The following STK3 variants were observed in gnomAD, a reference collection of about 807,000 sequenced individuals.
STK3 encodes the protein serine/threonine-protein kinase 3.
Under a neutral mutation model 58.0 loss-of-function variants are expected in STK3, and 41 were observed. The observed-to-expected ratio is 0.71, with a 90% CI of 0.55 to 0.92. The LOEUF is 0.92. STK3 is among the 40% of genes least tolerant of loss of function. The pLI, the probability that STK3 is intolerant of heterozygous loss-of-function variation, is 0.00. For synonymous variants in STK3, 170 were observed against 191.0 expected, an observed-to-expected ratio of 0.89 and a Z score of 0.91; for missense variants, 479 against 602.7, an observed-to-expected ratio of 0.79 and a Z score of 2.15.
At chr8:98,686,708 A>C (rs145395629) in intron 6 of STK3, among the ~76,000 whole-genome samples, 1 of 152,248 alleles carries the variant, frequency 6.6e-6, no homozygotes, top group Non-Finnish European at 1.5e-5. Flanking sequence ...TAAGATTTGA[A>C]AGACGGCACA....
rs749722428 is a variant in STK3, at chr8:98,866,280, C to A, written c.110+17367G>T. ...TCAACAATAAACATTCGCTGAAAGC[C>A]TCTTATGTCTAGGGCTGTGGGCAGC... On this transcript the variant is annotated intron_variant, in intron 3 of 12. Coordinates refer to the STK3 transcript ENST00000523601. Among the ~76,000 whole-genome samples, 14 of 152,154 alleles carry A rather than the reference C, an allele frequency of 9.2e-5. 1 individual carries two copies. The highest frequency in any genetic ancestry group is 1.6e-4 in the Non-Finnish European group (11 of 68,036).
intron 1 of STK3, among the ~76,000 whole-genome samples, chr8:98,897,982 A>G (rs1838519973): frequency 6.6e-6 from 1 of 152,266 alleles, no homozygotes; most frequent in African/African-American, 2.4e-5. Flanking sequence ...AGCACTGCTA[A>G]CTAGTCATGT....
intron 6 of STK3, among the ~76,000 whole-genome samples, chr8:98,607,410 A>G (rs1274459192): frequency 6.6e-6 from 1 of 152,242 alleles, no homozygotes; most frequent in Non-Finnish European, 1.5e-5. Flanking sequence ...GCACCAATGA[A>G]GACAGTGGAA....
chr8:98,604,912 A>G (rs1466541982), intron 6 of STK3, among the ~76,000 whole-genome samples: 12 of 152,166 alleles, frequency 7.9e-5, no homozygotes, highest in Admixed American at 7.8e-4. Flanking sequence ...ACCCTAAATC[A>G]TCAGTCTCAA....
chr8:98,636,113 T>A (rs1381863074), intron 6 of STK3, among the ~76,000 whole-genome samples: 2 of 152,076 alleles, frequency 1.3e-5, no homozygotes, highest in Admixed American at 1.3e-4. Context: ...ATTAACTCTG[T>A]GGGGCATTCC....
At chr8:98,924,306 T>C (rs1293885065) in intron 1 of STK3, among the ~76,000 whole-genome samples, 1 of 152,254 alleles carries the variant, frequency 6.6e-6, no homozygotes, top group Non-Finnish European at 1.5e-5. Flanking sequence ...CTTCTGTTTC[T>C]CTGCTAAATT....
intron 4 of STK3, among the ~76,000 whole-genome samples, chr8:98,710,155 T>C (rs1182089299): frequency 2.6e-5 from 4 of 151,976 alleles, no homozygotes; most frequent in Non-Finnish European, 5.9e-5. Flanking sequence ...AACTAATAAA[T>C]AGGGATGGAG....
the STK3 span, among the ~76,000 whole-genome samples, chr8:98,351,501 A>G: frequency 6.6e-6 from 1 of 152,250 alleles, no homozygotes; most frequent in South Asian, 2.1e-4. Flanking sequence ...TTCTAATTCT[A>G]TCATCCTCTG....
At chr8:98,731,680 G>A (rs1032849946) in intron 4 of STK3, among the ~76,000 whole-genome samples, 88 of 147,374 alleles carry the variant, frequency 6.0e-4, no homozygotes, top group South Asian at 1.1e-3. Flanking sequence ...CCGAGATGGC[G>A]CCACTGCACT....
intron 4 of STK3, among the ~76,000 whole-genome samples, chr8:98,710,664 C>A (rs1174209552): frequency 6.6e-6 from 1 of 152,234 alleles, no homozygotes; most frequent in Non-Finnish European, 1.5e-5. Context: ...TGGGTGCAGC[C>A]CACCACAGCT....
At chr8:98,679,216 A>T (rs891547959) in intron 6 of STK3, among the ~76,000 whole-genome samples, 10 of 152,146 alleles carry the variant, frequency 6.6e-5, no homozygotes, top group Non-Finnish European at 1.3e-4. Flanking sequence ...GTGACTTCTC[A>T]TCTCATTCAG....
chr8:98,711,803 A>G lies in STK3; in HGVS notation c.352-4492T>C, dbSNP rs201351295. On this transcript the variant is annotated intron_variant, in intron 4 of 10. Transcript: ENST00000419617. ...AGAGAACGCCACAAAGATACTCCTC[A>G]AGAAGAGCAACTCCAAGACACATAA... 5.7e-4 allele frequency among the ~76,000 whole-genome samples: 87 copies of G among 152,266 alleles called. 1 individual carries two copies. In the South Asian group the frequency reaches 6.0e-3, roughly 11 times the overall value.
At chr8:98,876,454 G>T (rs1190247445) in intron 3 of STK3, among the ~76,000 whole-genome samples, 1 of 152,128 alleles carries the variant, frequency 6.6e-6, no homozygotes, top group Non-Finnish European at 1.5e-5. Context: ...TTTTGAGTCT[G>T]CCCTAGAGTC....
Position 98,455,763 on chromosome 8 carries a change from T to A in STK3, c.*79A>T. 9 of 1,546,902 alleles carry A rather than the reference T, an allele frequency of 5.8e-6. No homozygotes were observed. The highest frequency in any genetic ancestry group is 7.9e-6 in the Non-Finnish European group (9 of 1,141,294). On this transcript the variant is annotated 3_prime_UTR_variant, in exon 11 of 11. Transcript: ENST00000419617. ...TAATTGTAGGGCAAAATCTTAGGATTAAAAATATCCAAATATTCCTTCAAT... is the reference window on the plus strand; with the variant it reads ...TAATTGTAGGGCAAAATCTTAGGATAAAAAATATCCAAATATTCCTTCAAT...
chr8:98,419,440 C>T (rs556340771), intron 3 of STK3, among the ~76,000 whole-genome samples: 26 of 152,192 alleles, frequency 1.7e-4, no homozygotes, highest in Middle Eastern at 3.4e-3. Context: ...TCAGTGGGAA[C>T]GTGGAATGGC....
chr8:98,865,195 A>G (rs1837089290), intron 3 of STK3, among the ~76,000 whole-genome samples: 2 of 152,196 alleles, frequency 1.3e-5, no homozygotes, highest in Admixed American at 1.3e-4. Flanking sequence ...GTTCAGGACC[A>G]GACAGGGCAA....
intron 4 of STK3, among the ~76,000 whole-genome samples, chr8:98,720,750 CA>C (rs35529460): frequency 0.38 from 35,588 of 94,592 alleles, 3,228 homozygotes; most frequent in East Asian, 0.48. Flanking sequence ...GACTCCGTCT[CA>C]AAAAAAAAAA....
intron 7 of STK3, among the ~76,000 whole-genome samples, chr8:98,588,133 C>T (rs1291783363): frequency 6.6e-6 from 1 of 151,724 alleles, no homozygotes; most frequent in Admixed American, 6.6e-5. Flanking sequence ...GAATTTGATC[C>T]TGTCATGATG....
At chr8:98,889,254 T>C (rs1838108111) in intron 1 of STK3, among the ~76,000 whole-genome samples, 1 of 152,126 alleles carries the variant, frequency 6.6e-6, no homozygotes, top group South Asian at 2.1e-4. Context: ...CAAACAAACA[T>C]GCAAAGATAA....
Sources: gnomAD v4.1 joint callset for allele counts (sites outside exome capture counted in the v4.1 genomes callset) on GRCh38, gnomAD v4.1.1 for gene constraint, MANE v1.5 for transcripts, NCBI Gene and HGNC (gene_info 2026-07-23, HGNC 2026-07-21) for gene names.